The following GOLT1B variants were observed in gnomAD, a reference collection of about 807,000 sequenced individuals.
GOLT1B encodes vesicle transport protein GOT1B.
Under a neutral mutation model 15.4 loss-of-function variants are expected in GOLT1B, and 3 were observed. The ratio of observed to expected loss-of-function variants is 0.19; its 90% CI spans 0.09 to 0.50. GOLT1B has a LOEUF of 0.50. Among genes scored for constraint, GOLT1B ranks in the 20% least tolerant of loss-of-function variants. The pLI is 0.97. For synonymous variants in GOLT1B, 65 were observed against 56.2 expected (o/e 1.16, Z -0.70); for missense variants, 145 against 160.4 (o/e 0.90, Z 0.52).
Position 21,501,958 on chromosome 12 carries a change from T to A in GOLT1B, c.25+10T>A. 6.2e-7 allele frequency: 1 copy of A among 1,602,988 alleles called. No homozygotes were observed. Among genetic ancestry groups the A allele is most frequent in the Non-Finnish European group, 8.5e-7 (1 of 1,170,332 alleles). The stretch of plus-strand genomic sequence containing the variant: ...TTAACGGACACGCAGAGTAAGCACC[T>A]GCTCCGGGGCCCCCGCCTCGAGCCG... On this transcript the variant is annotated intron_variant, in intron 1 of 4. Coordinates refer to ENST00000229314, the MANE Select transcript of GOLT1B (RefSeq NM_016072.5).
intron 2 of GOLT1B, 178 bp from the exon 3 acceptor site, chr12:21,508,205 A>G (rs1943692910): frequency 3.5e-6 from 2 of 578,390 alleles, no homozygotes; most frequent in South Asian, 2.2e-5. Flanking sequence ...TTTAAAATGC[A>G]TAACCCACTC....
At chr12:21,502,821 T>C (rs1943645743) in intron 1 of GOLT1B, among the ~76,000 whole-genome samples, 1 of 152,234 alleles carries the variant, frequency 6.6e-6, no homozygotes, top group African/African-American at 2.4e-5. Context: ...AGTCTCTTTT[T>C]GTCTCACTTT....
chr12:21,507,957 C>G (rs1461585173), intron 2 of GOLT1B: 1 of 454,372 alleles, frequency 2.2e-6, no homozygotes, highest in Non-Finnish European at 4.4e-6. Flanking sequence ...CTCCTGTAGC[C>G]TATGATGAAT....
intron 3 of GOLT1B, among the ~76,000 whole-genome samples, chr12:21,510,379 ATG>A (rs1309085318): frequency 2.0e-5 from 3 of 152,232 alleles, no homozygotes; most frequent in African/African-American, 7.2e-5. Context: ...TTTCCCAGTT[ATG>A]TGGGGGTTTT....
chr12:21,501,984 C>T (rs768924046), intron 1 of GOLT1B, 36 bp downstream of exon 1: 6 of 1,518,914 alleles, frequency 4.0e-6, no homozygotes, highest in Non-Finnish European at 5.5e-6. Context: ...CCTCGAGCCG[C>T]GCACACCCAT....
chr12:21,512,353 C>G lies in GOLT1B; in HGVS notation c.355C>G (p.Leu119Val), dbSNP rs760856561. 2 of 1,525,888 alleles carry G rather than the reference C, an allele frequency of 1.3e-6. No homozygotes were observed. Among genetic ancestry groups the G allele is most frequent in the African/African-American group, 2.7e-5 (2 of 73,172 alleles). 94.5% of individuals were successfully genotyped at this position (1,525,888 alleles called of 1,614,324 possible). A position where few individuals can be genotyped will look rare whatever the true frequency, so the allele number is the denominator to read the frequency against. Residue 119 changes from leucine to valine, a missense_variant, in exon 4 of 5, where the codon CTA becomes GTA. By Grantham distance (32) the Leu-to-Val change is conservative. Transcript: ENST00000229314. The stretch of plus-strand genomic sequence containing the variant: ...AAGAGTGCCAGTCCTTGGATCCCTC[C>G]TAAATTTACCTGGAATTAGATCAGT... ...IRRVPVLGSLLNLPGIRSFVD... is the reference protein window; with the variant it reads ...IRRVPVLGSLVNLPGIRSFVD...
At chr12:21,507,514 A>ATATG (rs1555149724) in intron 2 of GOLT1B, among the ~76,000 whole-genome samples, 1,533 of 147,674 alleles carry the variant, frequency 0.01, 15 homozygotes, top group Non-Finnish European at 0.018. Context: ...AAGACACTGT[A>ATATG]TGTGTGTGTG....
chr12:21,506,842 C>CT (rs776823081), intron 1 of GOLT1B, 43 bp from the exon 2 acceptor site: 1 of 837,680 alleles, frequency 1.2e-6, no homozygotes, highest in African/African-American at 1.7e-5. Context: ...GTTAATGTGA[C>CT]TTTAATTTTT....
chr12:21,504,100 C>T (rs111936695), intron 1 of GOLT1B, among the ~76,000 whole-genome samples: 2 of 152,146 alleles, frequency 1.3e-5, no homozygotes, highest in South Asian at 4.2e-4. Context: ...ACAGTGTTTG[C>T]CATTAGATTA....
Position 21,508,455 on chromosome 12 carries a change from A to G in GOLT1B, c.190A>G (p.Lys64Glu), listed in dbSNP as rs945451950. ...RTFRFFFQKH[K>E]MKATGFFLGG... is the part of the protein sequence containing the mutation. ...ATTCAGATTCTTCTTCCAAAAACAT[A>G]AAATGAAAGCTACAGGTTTTTTTCT... is the stretch of plus-strand genomic sequence containing the variant. Residue 64 changes from lysine to glutamate, a missense_variant, in exon 3 of 5, where the codon AAA (lysine) becomes GAA (glutamate). By Grantham distance (56) the Lys-to-Glu change is moderately conservative. Coordinates refer to ENST00000229314, the MANE Select transcript of GOLT1B (RefSeq NM_016072.5). 3 of 1,594,632 alleles carry G rather than the reference A, an allele frequency of 1.9e-6. No individual in the cohort carries two copies. Among genetic ancestry groups the G allele is most frequent in the African/African-American group, 1.3e-5 (1 of 74,454 alleles).
chr12:21,507,192 G>A, intron 2 of GOLT1B: 1 of 540,494 alleles, frequency 1.9e-6, no homozygotes, highest in Non-Finnish European at 3.4e-6. Flanking sequence ...TAACTACTCT[G>A]TTAAGTGTTT....
intron 1 of GOLT1B, among the ~76,000 whole-genome samples, chr12:21,503,390 C>A (rs767411032): frequency 1.4e-4 from 21 of 152,162 alleles, no homozygotes; most frequent in Non-Finnish European, 2.4e-4. Context: ...TGTGCTGGCT[C>A]AGAAACCTTT....
chr12:21,516,858 A>C lies in GOLT1B; in HGVS notation c.*1151A>C, dbSNP rs904245773. ...AGAAAATACCTGAGTTCACGTGCTAAAGTCATTTCACTGTAATAAACTGAC... is the reference window on the plus strand; with the variant it reads ...AGAAAATACCTGAGTTCACGTGCTACAGTCATTTCACTGTAATAAACTGAC... On this transcript the variant is annotated 3_prime_UTR_variant, in exon 5 of 5. Coordinates refer to ENST00000229314, the MANE Select transcript of GOLT1B (RefSeq NM_016072.5). 3 of 152,296 alleles carry C rather than the reference A, an allele frequency of 2.0e-5. No individual in the cohort carries two copies. Among genetic ancestry groups the C allele is most frequent in the Non-Finnish European group, 4.4e-5 (3 of 67,896 alleles). The allele number at this position is 152,296 out of a possible 1,614,324, so 9.4% of individuals were successfully genotyped here.
chr12:21,506,128 A>G (rs1335071503), intron 1 of GOLT1B, among the ~76,000 whole-genome samples: 1 of 152,130 alleles, frequency 6.6e-6, no homozygotes, highest in Non-Finnish European at 1.5e-5. Context: ...TAATGAAACT[A>G]ATGAAACATG....
chr12:21,509,517 C>T (rs17684048), intron 3 of GOLT1B, among the ~76,000 whole-genome samples: 4,053 of 151,368 alleles, frequency 0.027, 79 homozygotes, highest in Non-Finnish European at 0.041. Flanking sequence ...CACTGTATTA[C>T]CCACAGGAGA....
chr12:21,509,150 G>GGTGGGCTCACA (rs1209306512), intron 3 of GOLT1B, among the ~76,000 whole-genome samples: 1 of 152,050 alleles, frequency 6.6e-6, no homozygotes, highest in Non-Finnish European at 1.5e-5. Flanking sequence ...TGTAATCCCA[G>GGTGGGCTCACA]CACTTTGGGA....
In GOLT1B at chr12:21,515,364, G is replaced by A. The variant is rs1943748440; in HGVS notation, c.379-305G>A. The A allele has an allele frequency of 4.6e-6, 3 of 649,200 alleles. No homozygotes were observed. In the East Asian group the frequency reaches 8.6e-5, roughly 19 times the overall value. The allele number at this position is 649,200 out of a possible 1,614,324, so 40.2% of individuals were successfully genotyped here. ...TTATTTTTTATTTTTTGTTAAGCTA[G>A]CAGTGTTATCTTCATCTTATACAAT... On this transcript the variant is annotated intron_variant, in intron 4 of 4. Coordinates refer to ENST00000229314, the MANE Select transcript of GOLT1B (RefSeq NM_016072.5).
intron 2 of GOLT1B, among the ~76,000 whole-genome samples, chr12:21,507,506 G>T (rs547059767): frequency 3.6e-4 from 39 of 107,948 alleles, no homozygotes; most frequent in African/African-American, 1.3e-3. Context: ...AGGTAGTGAA[G>T]ACACTGTATG....
At chr12:21,509,488 T>C (rs1943704671) in intron 3 of GOLT1B, among the ~76,000 whole-genome samples, 1 of 151,992 alleles carries the variant, frequency 6.6e-6, no homozygotes, top group East Asian at 1.9e-4. Context: ...TGCATATCCT[T>C]TGTCTTCTGT....
Sources: gnomAD v4.1 joint callset for allele counts (sites outside exome capture counted in the v4.1 genomes callset) on GRCh38, gnomAD v4.1.1 for gene constraint, MANE v1.5 for transcripts, NCBI Gene and HGNC (gene_info 2026-07-23, HGNC 2026-07-21) for gene names.